The following MEI1 variants were observed in gnomAD, a reference collection of about 807,000 sequenced individuals.
MEI1 encodes meiotic double-stranded break formation protein 1, also known as meiosis inhibitor protein 1.
MEI1 carries 103 observed loss-of-function variants against 146.2 expected under a neutral mutation model. That is an observed-to-expected ratio of 0.70 (90% CI 0.60 to 0.83). The LOEUF (loss-of-function observed/expected upper bound fraction) is 0.83, where lower values mean the gene tolerates loss of function less well. MEI1 is among the 40% of genes least tolerant of loss of function. The pLI is 0.00. For synonymous variants in MEI1, 652 were observed against 628.2 expected, an observed-to-expected ratio of 1.04 and a Z score of -0.57; for missense variants, 1,529 against 1,533.0, an observed-to-expected ratio of 1.00 and a Z score of 0.04.
rs763862544 is a variant in MEI1, at chr22:41,729,791, C to T, written c.979+12C>T. ...CGCTGACATCCCAGGTAGGGGAACA[C>T]TTCTAACCTTCTCCTCCCTATACTA... is the stretch of plus-strand genomic sequence containing the variant. On this transcript the variant is annotated intron_variant, in intron 8 of 30. Transcript: ENST00000401548. 18 of 1,552,836 alleles carry T rather than the reference C, an allele frequency of 1.2e-5. No homozygotes were observed. The highest frequency in any genetic ancestry group is 1.6e-5 in the Non-Finnish European group (18 of 1,138,804).
intron 17 of MEI1, among the ~76,000 whole-genome samples, chr22:41,755,140 T>G (rs1266878403): frequency 6.6e-6 from 1 of 152,188 alleles, no homozygotes; most frequent in Non-Finnish European, 1.5e-5. Context: ...ATAGAGCGAT[T>G]ATAACAGTAT....
intron 2 of MEI1, among the ~76,000 whole-genome samples, chr22:41,704,600 G>A (rs2068944249): frequency 6.6e-6 from 1 of 150,746 alleles, no homozygotes; most frequent in Non-Finnish European, 1.5e-5. Flanking sequence ...TTTTAGTAGA[G>A]ATGGGGTTTT....
At chr22:41,768,906 G>T (rs1278132939) in intron 19 of MEI1, among the ~76,000 whole-genome samples, 3 of 152,074 alleles carry the variant, frequency 2.0e-5, no homozygotes, top group Admixed American at 6.5e-5. Flanking sequence ...AAACATTACT[G>T]TTTTTCTCTA....
Position 41,723,874 on chromosome 22 carries a change from G to A in MEI1, c.734-69G>A, listed in dbSNP as rs79085169. The stretch of plus-strand genomic sequence containing the variant: ...AGAAGTTTCTCTGGGGATGTCTGAG[G>A]GGCTATCTTGGGAGTACTCTGGTGC... On this transcript the variant is annotated intron_variant, in intron 6 of 30. Transcript: ENST00000401548. 7.7e-5 allele frequency: 117 copies of A among 1,516,646 alleles called. No homozygotes were observed. In the African/African-American group the frequency reaches 1.5e-3, roughly 20 times the overall value. 93.9% of individuals were successfully genotyped at this position (1,516,646 alleles called of 1,614,324 possible).
At chr22:41,724,835 C>CTTTTTTTTTTTTT in intron 7 of MEI1, among the ~76,000 whole-genome samples, 1 of 150,408 alleles carries the variant, frequency 6.6e-6, no homozygotes, top group Non-Finnish European at 1.5e-5. Flanking sequence ...CGAGGTCTTG[C>CTTTTTTTTTTTTT]TCTCTCCACT....
rs369094285 is a variant in MEI1 at position 41,699,703 on chromosome 22, C to T, written c.165C>T (p.Pro55=). 1.9e-4 allele frequency: 296 copies of T among 1,576,346 alleles called. No individual in the cohort carries two copies. In the African/African-American group the frequency reaches 3.3e-3, roughly 18 times the overall value. Residue 55 remains proline, a synonymous_variant, in exon 1 of 31, where the codon CCC becomes CCT. Transcript: ENST00000401548. The stretch of plus-strand genomic sequence containing the variant: ...GCGCGCTGGAGCTGCTGCCGGACCC[C>T]GGCGTGTCGGTGCGGGCGGAACCTT... The part of the protein sequence containing the change: ...LACALELLPD[P]GVSLVRKKHM...
intron 3 of MEI1, among the ~76,000 whole-genome samples, chr22:41,711,999 CG>C (rs2069609300): frequency 6.6e-6 from 1 of 151,194 alleles, no homozygotes; most frequent in Non-Finnish European, 1.5e-5. Context: ...GTTAGGAGTT[CG>C]AGACCAGCCT....
chr22:41,718,281 C>T lies in MEI1; in HGVS notation c.733+7C>T. 3 of 1,613,014 alleles carry T rather than the reference C, an allele frequency of 1.9e-6. No individual in the cohort carries two copies. Among genetic ancestry groups the T allele is most frequent in the South Asian group, 2.2e-5 (2 of 90,874 alleles). On this transcript the variant is annotated splice_region_variant and intron_variant, in intron 6 of 30. Coordinates refer to ENST00000401548, the MANE Select transcript of MEI1 (RefSeq NM_152513.4). ...CTGCAGATTAACTGCTTGGGTAAGA[C>T]ATGAGGCTGGAGAAAAAAGGGAGAA...
At chr22:41,731,462 C>A (rs1222956254) in intron 9 of MEI1, among the ~76,000 whole-genome samples, 1 of 152,212 alleles carries the variant, frequency 6.6e-6, no homozygotes, top group Non-Finnish European at 1.5e-5. Flanking sequence ...TCAAGCACTT[C>A]TCTTGCCTCA....
At chr22:41,715,123 C>T (rs904633882) in intron 4 of MEI1, among the ~76,000 whole-genome samples, 1 of 152,036 alleles carries the variant, frequency 6.6e-6, no homozygotes, top group Middle Eastern at 3.4e-3. Flanking sequence ...TGAGATGATG[C>T]CACTTAACAT....
At chr22:41,714,999 C>T (rs59453987) in intron 4 of MEI1, among the ~76,000 whole-genome samples, 1 of 152,010 alleles carries the variant, frequency 6.6e-6, no homozygotes, top group African/African-American at 2.4e-5. Flanking sequence ...CTTGTTAAAA[C>T]CATCAAGAAC....
intron 12 of MEI1, among the ~76,000 whole-genome samples, chr22:41,743,448 C>G (rs1440243660): frequency 9.0e-5 from 4 of 44,544 alleles, no homozygotes; most frequent in Middle Eastern, 9.4e-3. Flanking sequence ...TATAAAGTAC[C>G]TAAGCCTAGA....
rs200066340 is a variant in MEI1 at position 41,699,640 on chromosome 22, C to T, written c.102C>T (p.Arg34=). ...GGGCCCATTACCGGCACGACCCGCG[C>T]TGGCTGCTGCCCGTGACCCCCCGCC... is the stretch of plus-strand genomic sequence containing the variant. ...FERAHYRHDP[R]WLLPVTPRLC... is the part of the protein sequence containing the mutation. The change falls in exon 1 of 31, where the codon CGC becomes CGT. Residue 34 remains arginine (R), a synonymous_variant. Transcript: ENST00000401548. The T allele has an allele frequency of 9.1e-4, 1,464 of 1,602,354 alleles. 13 individuals carry two copies. The East Asian group carries it at 0.023, about 25-fold the overall frequency.
At position 41,738,490 on chromosome 22, in the gene MEI1, G is replaced by C. The variant is rs150036394; in HGVS notation, c.1332-4590G>C. Reference sequence around the variant, plus strand: ...TAATTCCAGCTACACAGGAGGCTGAGGCAGGAGAATCGCTTGAACCTGGGA... The same window carrying C: ...TAATTCCAGCTACACAGGAGGCTGACGCAGGAGAATCGCTTGAACCTGGGA... On this transcript the variant is annotated intron_variant, in intron 11 of 30. Transcript: ENST00000401548. Among the ~76,000 whole-genome samples, 328 of 152,266 alleles carry C rather than the reference G, an allele frequency of 2.2e-3. 11 individuals carry two copies. The East Asian group carries it at 0.05, about 23-fold the overall frequency.
rs1475551784 is a variant in MEI1 at position 41,758,470 on chromosome 22, C to G, written c.2057C>G (p.Ala686Gly). 6.2e-7 allele frequency: 1 copy of G among 1,613,882 alleles called. No homozygotes were observed. The highest frequency in any genetic ancestry group is 8.5e-7 in the Non-Finnish European group (1 of 1,179,838). The part of the protein sequence containing the change: ...FLSDRQYMEG[A>G]ARQRQYCILL... ...TCTGATCGCCAGTACATGGAGGGAG[C>G]TGCTCGCCAGAGACAGTACTGCATC... is the stretch of plus-strand genomic sequence containing the variant. The change falls in exon 18 of 31, where the codon GCT becomes GGT. Residue 686 changes from alanine (A) to glycine (G), a missense_variant. Around this residue, in one of 3 missense-constraint regions of MEI1, gnomAD observed 1,212 missense variants for 1,178.9 expected, o/e 1.03. Coordinates refer to ENST00000401548, the MANE Select transcript of MEI1 (RefSeq NM_152513.4).
At chr22:41,709,711 C>A (rs2069386996) in intron 3 of MEI1, among the ~76,000 whole-genome samples, 1 of 152,004 alleles carries the variant, frequency 6.6e-6, no homozygotes, top group Non-Finnish European at 1.5e-5. Flanking sequence ...CAGACATAGT[C>A]CTCCTTGCCA....
chr22:41,759,212 G>A (rs1442954062), intron 18 of MEI1: 1 of 152,072 alleles, frequency 6.6e-6, no homozygotes, highest in Non-Finnish European at 1.5e-5. Flanking sequence ...TAATTTGTTG[G>A]GCCGGGTGCA....
chr22:41,740,596 G>A (rs115619985), intron 11 of MEI1, among the ~76,000 whole-genome samples: 1 of 152,054 alleles, frequency 6.6e-6, no homozygotes, highest in Non-Finnish European at 1.5e-5. Flanking sequence ...ATCCAAGCTT[G>A]GTGTATGCCT....
Position 41,725,412 on chromosome 22 carries a change from G to C in MEI1, c.864+1339G>C, listed in dbSNP as rs181909016. On this transcript the variant is annotated intron_variant, in intron 7 of 30. Coordinates refer to ENST00000401548, the MANE Select transcript of MEI1 (RefSeq NM_152513.4). ...CAGGCATGAGCCCCCAGGCCCAGCC[G>C]TAAATTCTTACCTCTGCACTTCCCC... is the stretch of plus-strand genomic sequence containing the variant. 9.9e-5 allele frequency among the ~76,000 whole-genome samples: 15 copies of C among 152,140 alleles called. No homozygotes were observed. The East Asian group carries it at 2.9e-3, about 29-fold the overall frequency.
Sources: allele counts gnomAD v4.1 joint callset (sites outside exome capture counted in the v4.1 genomes callset), GRCh38; gene constraint gnomAD v4.1.1; regional missense constraint gnomAD v4.1.1; transcripts MANE v1.5; gene names NCBI Gene and HGNC (gene_info 2026-07-23, HGNC 2026-07-21).